The following VPS13B variants were observed in gnomAD, a reference collection of about 807,000 sequenced individuals.
VPS13B encodes the protein intermembrane lipid transfer protein VPS13B.
Under a neutral mutation model 426.4 loss-of-function variants are expected in VPS13B, and 285 were observed. The observed-to-expected ratio is 0.67, with a 90% CI of 0.61 to 0.74. The LOEUF is 0.74. Ranked by LOEUF, VPS13B falls within the 30% of genes least tolerant of loss-of-function variation. The pLI is 0.00. For missense variants in VPS13B, 4,537 were observed against 4,782.6 expected (o/e 0.95, Z 1.51); for synonymous variants, 1,676 against 1,676.4 (o/e 1.00, Z 0.01).
intron 30 of VPS13B, among the ~76,000 whole-genome samples, chr8:99,544,251 G>A (rs1056241194): frequency 9.9e-5 from 15 of 152,110 alleles, no homozygotes; most frequent in African/African-American, 3.6e-4. Flanking sequence ...CTCATAGGTG[G>A]GAACTGAACA....
At chr8:99,868,542 A>G (rs548413364) in intron 59 of VPS13B, 77 bp downstream of exon 59, 20 of 1,523,522 alleles carry the variant, frequency 1.3e-5, no homozygotes, top group Non-Finnish European at 1.8e-5. Context: ...TCCCTAAGAT[A>G]GTGTAACCTT....
chr8:99,744,217 A>G (rs571753273), intron 39 of VPS13B, among the ~76,000 whole-genome samples: 24 of 152,366 alleles, frequency 1.6e-4, no homozygotes, highest in African/African-American at 5.8e-4. Context: ...CACATGAAAA[A>G]ATGCTCATCA....
chr8:99,713,841 A>G (rs1169440962), intron 36 of VPS13B, among the ~76,000 whole-genome samples: 1 of 152,210 alleles, frequency 6.6e-6, no homozygotes, highest in African/African-American at 2.4e-5. Flanking sequence ...AGAAGTTCTC[A>G]AAAAATGATT....
chr8:99,103,080 A>T lies in VPS13B; in HGVS notation c.540A>T (p.Thr180=), dbSNP rs757716950. The T allele has an allele frequency of 6.2e-7, 1 of 1,614,034 alleles. No individual in the cohort carries two copies. Among genetic ancestry groups the T allele is most frequent in the East Asian group, 2.2e-5 (1 of 44,848 alleles). The change falls in exon 5 of 62, where the codon ACA becomes ACT. Residue 180 remains threonine (T), a synonymous_variant. Transcript: ENST00000357162. ...SVNITSAECY[T]VGELWDRAFM... ...ATATCACTTCTGCAGAATGTTATAC[A>T]GTAGGTGAATTATGGGATCGTGCAT...
chr8:99,836,488 C>G (rs1815399733), intron 54 of VPS13B, among the ~76,000 whole-genome samples: 1 of 139,258 alleles, frequency 7.2e-6, no homozygotes, highest in South Asian at 2.4e-4. Context: ...TTTGCCTGCT[C>G]TAAGTATCTC....
chr8:99,363,195 G>C (rs569297162), intron 19 of VPS13B, among the ~76,000 whole-genome samples: 1 of 152,238 alleles, frequency 6.6e-6, no homozygotes, highest in Non-Finnish European at 1.5e-5. Flanking sequence ...AAGAGATAGA[G>C]GGATGGGGTC....
chr8:99,458,473 T>A lies in VPS13B; in HGVS notation c.3446-8941T>A, dbSNP rs1468384413. ...TGGGTCAAATGGTATTTCTAGTTCT[T>A]GATCCCTGAGGAATCGCCACACTGA... is the stretch of plus-strand genomic sequence containing the variant. On this transcript the variant is annotated intron_variant, in intron 23 of 61. Transcript: ENST00000357162. Among the ~76,000 whole-genome samples the A allele has an allele frequency of 6.2e-3, 900 of 145,894 alleles. 9 individuals carry two copies. Among genetic ancestry groups the A allele is most frequent in the South Asian group, 0.016 (74 of 4,568 alleles).
At chr8:99,829,782 C>T (rs1025072283) in intron 51 of VPS13B, among the ~76,000 whole-genome samples, 4 of 152,068 alleles carry the variant, frequency 2.6e-5, no homozygotes, top group Non-Finnish European at 5.9e-5. Context: ...GGAGTTTTTG[C>T]GTAGTTGTCC....
chr8:99,776,173 G>A (rs1301481955), intron 40 of VPS13B, among the ~76,000 whole-genome samples: 1 of 152,168 alleles, frequency 6.6e-6, no homozygotes, highest in Non-Finnish European at 1.5e-5. Context: ...GAGTGGCAGA[G>A]TCATACTCTG....
intron 19 of VPS13B, among the ~76,000 whole-genome samples, chr8:99,371,599 A>G (rs906564879): frequency 2.0e-5 from 3 of 152,208 alleles, no homozygotes; most frequent in African/African-American, 7.2e-5. Context: ...GTTTTTTCCA[A>G]TTCTGCAAAG....
At chr8:99,666,340 G>A (rs1312256244) in intron 35 of VPS13B, among the ~76,000 whole-genome samples, 1 of 152,092 alleles carries the variant, frequency 6.6e-6, no homozygotes, top group Non-Finnish European at 1.5e-5. Context: ...CCAAAGCCTG[G>A]CAGAGACACA....
chr8:99,271,162 G>C (rs578160119), intron 17 of VPS13B, among the ~76,000 whole-genome samples: 1 of 151,740 alleles, frequency 6.6e-6, no homozygotes, highest in Admixed American at 6.6e-5. Flanking sequence ...TACTACTGCT[G>C]CTGCTTTTAT....
intron 39 of VPS13B, among the ~76,000 whole-genome samples, chr8:99,754,801 A>G (rs1445331394): frequency 1.3e-5 from 2 of 152,192 alleles, no homozygotes; most frequent in Non-Finnish European, 2.9e-5. Flanking sequence ...ATAGCATTCT[A>G]TAATTGAAAT....
intron 35 of VPS13B, among the ~76,000 whole-genome samples, chr8:99,664,491 C>T (rs542603265): frequency 5.3e-4 from 80 of 152,108 alleles, no homozygotes; most frequent in Middle Eastern, 6.8e-3. Context: ...CAACAGTCCC[C>T]GGTGTGTGAT....
At position 99,467,501 on chromosome 8, in the gene VPS13B, C is replaced by G. The variant is rs1391680745; in HGVS notation, c.3533C>G (p.Pro1178Arg). The G allele has an allele frequency of 3.7e-6, 6 of 1,613,622 alleles. No homozygotes were observed. The African/African-American group carries it at 6.7e-5, about 18-fold the overall frequency. The change falls in exon 24 of 62, where the codon CCT becomes CGT. Residue 1178 changes from proline (P) to arginine (R), a missense_variant. This residue lies in a region of VPS13B where 4,311 missense variants were observed against 4,474.3 expected (regional missense o/e 0.96). Transcript: ENST00000357162. ...CAAGTGACACTTTGCCTAGTGGAAC[C>G]TATGGGTTGCACCTCCACTCTAGCT... ...GKQVTLCLVEPMGCTSTLAVT... is the reference protein window; with the variant it reads ...GKQVTLCLVERMGCTSTLAVT...
chr8:99,440,488 T>C (rs1015892789), intron 22 of VPS13B, among the ~76,000 whole-genome samples: 105 of 152,238 alleles, frequency 6.9e-4, no homozygotes, highest in African/African-American at 2.4e-3. Context: ...TTAACAGTTA[T>C]TTTAAAAGTG....
intron 30 of VPS13B, among the ~76,000 whole-genome samples, chr8:99,542,695 G>T (rs1425310396): frequency 6.6e-6 from 1 of 152,054 alleles, no homozygotes; most frequent in Non-Finnish European, 1.5e-5. Flanking sequence ...AACCATTTTG[G>T]GAGAATTAAT....
intron 2 of VPS13B, among the ~76,000 whole-genome samples, chr8:99,034,720 C>T (rs1842665372): frequency 6.6e-6 from 1 of 152,108 alleles, no homozygotes; most frequent in Non-Finnish European, 1.5e-5. Context: ...TGTATTGTGA[C>T]CCTATGCTAG....
At chr8:99,283,358 A>T (rs1253343573) in intron 19 of VPS13B, among the ~76,000 whole-genome samples, 1 of 152,106 alleles carries the variant, frequency 6.6e-6, no homozygotes, top group Non-Finnish European at 1.5e-5. Flanking sequence ...TATGTATTTT[A>T]TCTGTAATTG....
Sources: gnomAD v4.1 joint callset for allele counts (sites outside exome capture counted in the v4.1 genomes callset) on GRCh38, gnomAD v4.1.1 for gene constraint, gnomAD v4.1.1 regional missense constraint, MANE v1.5 for transcripts, NCBI Gene and HGNC (gene_info 2026-07-23, HGNC 2026-07-21) for gene names.